CHRM5: variants seen among roughly 807,000 people sequenced by gnomAD.
The protein encoded by CHRM5 is muscarinic acetylcholine receptor M5.
Under a neutral mutation model 39.0 loss-of-function variants are expected in CHRM5, and 18 were observed. The observed-to-expected ratio is 0.46, with a 90% CI of 0.32 to 0.68. The LOEUF is 0.68. Ranked by LOEUF, CHRM5 falls within the 30% of genes least tolerant of loss-of-function variation. CHRM5 has a pLI of 0.04. For synonymous variants in CHRM5, 241 were observed against 246.3 expected, an observed-to-expected ratio of 0.98 and a Z score of 0.20; for missense variants, 515 against 651.1, an observed-to-expected ratio of 0.79 and a Z score of 2.28.
intron 1 of CHRM5, chr15:34,003,069 C>G: frequency 3.1e-6 from 5 of 1,614,024 alleles, no homozygotes; most frequent in South Asian, 1.1e-5. Flanking sequence ...CTGTTCCCCT[C>G]TGTGACTCTC....
chr15:33,977,300 T>C (rs1294252615), intron 1 of CHRM5, among the ~76,000 whole-genome samples: 3 of 152,196 alleles, frequency 2.0e-5, no homozygotes, highest in Non-Finnish European at 4.4e-5. Context: ...CTTTTTCTCA[T>C]ATATTGGTAG....
At chr15:34,011,744 T>C (rs991402917) in intron 1 of CHRM5, among the ~76,000 whole-genome samples, 3 of 152,190 alleles carry the variant, frequency 2.0e-5, no homozygotes, top group Non-Finnish European at 4.4e-5. Flanking sequence ...CTTATATCTT[T>C]CTCATGTGTG....
intron 1 of CHRM5, among the ~76,000 whole-genome samples, chr15:33,988,241 GT>G (rs904581511): frequency 6.4e-4 from 98 of 152,118 alleles, no homozygotes; most frequent in African/African-American, 2.3e-3. Context: ...AATAAACATA[GT>G]TTTTTTTAGT....
chr15:33,998,345 G>T (rs1019373454), intron 1 of CHRM5, among the ~76,000 whole-genome samples: 1 of 152,036 alleles, frequency 6.6e-6, no homozygotes, highest in African/African-American at 2.4e-5. Context: ...GTCTTAACTG[G>T]CCAAGCATAG....
At chr15:34,038,647 C>T (rs1451547998) in intron 1 of CHRM5, 4 of 823,782 alleles carry the variant, frequency 4.9e-6, no homozygotes, top group Non-Finnish European at 6.1e-6. Flanking sequence ...ATCCGCCCGT[C>T]CCGCGCAGGC....
chr15:34,006,642 G>C (rs1378077302), intron 1 of CHRM5, among the ~76,000 whole-genome samples: 3 of 152,190 alleles, frequency 2.0e-5, no homozygotes, highest in Non-Finnish European at 4.4e-5. Context: ...GTCCTGCCAA[G>C]TGTTTATAAT....
At chr15:34,026,200 A>G (rs1374324246) in intron 1 of CHRM5, among the ~76,000 whole-genome samples, 3 of 152,134 alleles carry the variant, frequency 2.0e-5, no homozygotes, top group Admixed American at 6.5e-5. Context: ...TTTTTACTTA[A>G]AAGTCTTATG....
intron 1 of CHRM5, among the ~76,000 whole-genome samples, chr15:34,015,481 CAAAAAATAAA>C (rs1445829785): frequency 2.7e-5 from 4 of 146,360 alleles, no homozygotes; most frequent in African/African-American, 1.0e-4. Context: ...GACTCCATCT[CAAAAAATAAA>C]AAAAAATAAA....
chr15:34,031,352 T>C (rs1898806784), intron 1 of CHRM5, among the ~76,000 whole-genome samples: 1 of 151,984 alleles, frequency 6.6e-6, no homozygotes, highest in African/African-American at 2.4e-5. Context: ...TTTTTATATT[T>C]CTAATAGCGA....
intron 2 of CHRM5, among the ~76,000 whole-genome samples, chr15:34,061,259 T>C (rs577675397): frequency 5.8e-4 from 89 of 152,240 alleles, no homozygotes; most frequent in African/African-American, 2.0e-3. Context: ...TGTACATAGA[T>C]TTTTTAATCT....
In CHRM5 at chr15:34,064,491, A is replaced by G. The variant is rs998426778; in HGVS notation, c.*175A>G. On this transcript the variant is annotated 3_prime_UTR_variant, in exon 3 of 3. Coordinates refer to ENST00000383263, the MANE Select transcript of CHRM5 (RefSeq NM_012125.4). ...AATGGAAGGGGCCATAGCTGCAGCA[A>G]TTGCTGACATATTAAATGACTCTTG... is the stretch of plus-strand genomic sequence containing the variant. 6 of 720,922 alleles carry G rather than the reference A, an allele frequency of 8.3e-6. No individual in the cohort carries two copies. The highest frequency in any genetic ancestry group is 9.1e-6 in the Non-Finnish European group (4 of 437,584). 44.7% of individuals were successfully genotyped at this position (720,922 alleles called of 1,614,324 possible). A position where few individuals can be genotyped will look rare whatever the true frequency, so the allele number is the denominator to read the frequency against.
intron 2 of CHRM5, among the ~76,000 whole-genome samples, chr15:34,054,602 T>C (rs1333261854): frequency 6.6e-6 from 1 of 152,180 alleles, no homozygotes; most frequent in Non-Finnish European, 1.5e-5. Context: ...AAACACCGCA[T>C]GTTCTCACTT....
chr15:34,053,313 A>ATAT (rs1480493613), intron 2 of CHRM5, among the ~76,000 whole-genome samples: 11 of 94,612 alleles, frequency 1.2e-4, no homozygotes, highest in Admixed American at 2.4e-4. Flanking sequence ...AAAAAAAAAA[A>ATAT]AAAAAAATAT....
At chr15:33,982,798 TTC>T (rs58340239) in intron 1 of CHRM5, among the ~76,000 whole-genome samples, 39,811 of 150,190 alleles carry the variant, frequency 0.27, 7,229 homozygotes, top group African/African-American at 0.5. Context: ...ATCAACCACA[TTC>T]TCTCTCTCTC....
chr15:33,985,643 G>A (rs1214124531), intron 1 of CHRM5, among the ~76,000 whole-genome samples: 1 of 152,002 alleles, frequency 6.6e-6, no homozygotes, highest in East Asian at 1.9e-4. Context: ...CAGGCACTGT[G>A]TTGTAGGCAT....
chr15:34,045,701 T>C (rs181720332), intron 1 of CHRM5, among the ~76,000 whole-genome samples: 179 of 138,496 alleles, frequency 1.3e-3, no homozygotes, highest in Middle Eastern at 3.6e-3. Flanking sequence ...AAGCTTCTCA[T>C]AAAAAAAAAA....
chr15:34,062,570 A>AT, intron 2 of CHRM5, 73 bp from the exon 3 acceptor site: 1 of 691,584 alleles, frequency 1.4e-6, no homozygotes, highest in Non-Finnish European at 2.3e-6. Context: ...AAAAAAAAAA[A>AT]AAAACTATAA....
chr15:34,025,994 G>T (rs2632079), intron 1 of CHRM5, among the ~76,000 whole-genome samples: 1 of 152,022 alleles, frequency 6.6e-6, no homozygotes, highest in African/African-American at 2.4e-5. Context: ...TTGTAGAATC[G>T]TCTTTTCAAA....
rs1897210833 is a variant in CHRM5, at chr15:34,003,272, C to A, written c.-408+34122C>A. ...GAAATCCTGACCTTAGTAGACTTCC[C>A]AGTAAAACAAAAAAGTACATGGACA... On this transcript the variant is annotated intron_variant, in intron 1 of 2. Coordinates refer to ENST00000383263, the MANE Select transcript of CHRM5 (RefSeq NM_012125.4). 14 of 1,465,078 alleles carry A rather than the reference C, an allele frequency of 9.6e-6. No homozygotes were observed. The Admixed American group carries it at 1.2e-4, about 13-fold the overall frequency. 90.8% of individuals were successfully genotyped at this position (1,465,078 alleles called of 1,614,324 possible).
Sources: allele counts gnomAD v4.1 joint callset (sites outside exome capture counted in the v4.1 genomes callset), GRCh38; gene constraint gnomAD v4.1.1; transcripts MANE v1.5; gene names NCBI Gene and HGNC (gene_info 2026-07-23, HGNC 2026-07-21).